The following ZNF561 variants were observed in gnomAD, a reference collection of about 807,000 sequenced individuals.
The protein encoded by ZNF561 is zinc finger protein 561.
In ZNF561, 16 loss-of-function variants were observed where a neutral mutation model predicts 16.7. The ratio of observed to expected loss-of-function variants is 0.96; its 90% CI spans 0.65 to 1.45. The LOEUF (loss-of-function observed/expected upper bound fraction) is 1.45, where lower values mean the gene tolerates loss of function less well. ZNF561 is among the 40% of genes most tolerant of loss of function. The pLI, the probability that ZNF561 is intolerant of heterozygous loss-of-function variation, is 0.00. For missense variants in ZNF561, 580 were observed against 578.0 expected, an observed-to-expected ratio of 1.00 and a Z score of -0.04; for synonymous variants, 190 against 192.1, an observed-to-expected ratio of 0.99 and a Z score of 0.09.
chr19:9,618,887 C>T (rs1046155847), intron 2 of ZNF561, among the ~76,000 whole-genome samples: 6 of 152,190 alleles, frequency 3.9e-5, no homozygotes, highest in Admixed American at 2.0e-4. Context: ...GAGGCCAAGG[C>T]GGGCAAATCA....
intron 5 of ZNF561, among the ~76,000 whole-genome samples, chr19:9,612,173 C>T (rs967029706): frequency 6.6e-6 from 1 of 152,080 alleles, no homozygotes; most frequent in Admixed American, 6.6e-5. Flanking sequence ...GATGATCTGC[C>T]TGCCTTGGCC....
Position 9,611,065 on chromosome 19 carries a change from C to T in ZNF561, c.596G>A (p.Cys199Tyr). Residue 199 changes from cysteine to tyrosine, a missense_variant, in exon 6 of 6, where the codon TGT becomes TAT. Physicochemically the swap from Cys to Tyr is radical, Grantham distance 194 (BLOSUM62 -2). Coordinates refer to ENST00000302851, the MANE Select transcript of ZNF561 (RefSeq NM_152289.3). ...CTTAAAGCCTTTTCCACATTCCTTACATTTGTAGGGTTGTCTTGCATTGAG... is the reference window on the plus strand; with the variant it reads ...CTTAAAGCCTTTTCCACATTCCTTATATTTGTAGGGTTGTCTTGCATTGAG... ...EVLNARQPYK[C>Y]KECGKGFKYF... is the part of the protein sequence containing the mutation. 1.9e-6 allele frequency: 3 copies of T among 1,614,112 alleles called. No individual in the cohort carries two copies. The highest frequency in any genetic ancestry group is 1.7e-6 in the Non-Finnish European group (2 of 1,180,014).
At chr19:9,611,706 A>G (rs1224282413) in intron 5 of ZNF561, among the ~76,000 whole-genome samples, 1 of 151,988 alleles carries the variant, frequency 6.6e-6, no homozygotes, top group African/African-American at 2.4e-5. Context: ...CGGCCTCCCA[A>G]AGTGGTGATA....
chr19:9,612,312 T>C (rs1465198365), intron 5 of ZNF561, among the ~76,000 whole-genome samples: 2 of 152,054 alleles, frequency 1.3e-5, no homozygotes, highest in Non-Finnish European at 2.9e-5. Context: ...CTCCACCTCC[T>C]AGGCTCAAGT....
rs1250913593 is a variant in ZNF561, at chr19:9,619,497, G to C, written c.-41C>G. ...GTGTGATGATGTGCATCCCTTCCTT[G>C]ATGCCAAGATCACCTCAGGCCAGCT... On this transcript the variant is annotated 5_prime_UTR_variant, in exon 2 of 6. It adds an upstream start codon to the 5' untranslated region. Transcript: ENST00000302851. 6.8e-6 allele frequency: 11 copies of C among 1,610,684 alleles called. No individual in the cohort carries two copies. Among genetic ancestry groups the C allele is most frequent in the Admixed American group, 1.7e-5 (1 of 59,872 alleles).
chr19:9,617,281 C>G, intron 3 of ZNF561, 110 bp from the exon 4 acceptor site: 1 of 1,427,770 alleles, frequency 7.0e-7, no homozygotes, highest in Non-Finnish European at 9.2e-7. Flanking sequence ...TGTCAGGTCT[C>G]CCATGATCTA....
intron 4 of ZNF561, among the ~76,000 whole-genome samples, chr19:9,614,871 C>T (rs1599228325): frequency 6.7e-6 from 1 of 149,022 alleles, no homozygotes; most frequent in Non-Finnish European, 1.5e-5. Context: ...TGAAGTGTCA[C>T]TCTGTCACCC....
intron 2 of ZNF561, 123 bp downstream of exon 2, chr19:9,619,309 T>C (rs970619752): frequency 1.4e-6 from 1 of 711,110 alleles, no homozygotes. Context: ...GTTCTGTGGT[T>C]CACTTCAATT....
intron 1 of ZNF561, among the ~76,000 whole-genome samples, chr19:9,620,593 T>C (rs557588459): frequency 6.6e-6 from 1 of 152,164 alleles, no homozygotes; most frequent in Admixed American, 6.5e-5. Context: ...CTGATACTTG[T>C]CCCTAGAGCC....
At position 9,609,227 on chromosome 19, in the gene ZNF561, C is replaced by T. The variant is rs1239145778; in HGVS notation, c.*973G>A. 3 of 152,158 alleles carry T rather than the reference C, an allele frequency of 2.0e-5. No homozygotes were observed. The highest frequency in any genetic ancestry group is 4.4e-5 in the Non-Finnish European group (3 of 68,030). The allele number at this position is 152,158 out of a possible 1,614,324, so 9.4% of individuals were successfully genotyped here. A position where few individuals can be genotyped will look rare whatever the true frequency, so the allele number is the denominator to read the frequency against. On this transcript the variant is annotated 3_prime_UTR_variant, in exon 6 of 6. Transcript: ENST00000302851. ...ATAATGTTTATCACAGGCTTACTGT[C>T]AATAAATATGTGGGTCAAACTCTGT...
chr19:9,611,485 T>G (rs1260997823), intron 5 of ZNF561, 149 bp from the exon 6 acceptor site: 5 of 883,046 alleles, frequency 5.7e-6, no homozygotes, highest in Middle Eastern at 3.6e-4. Flanking sequence ...TCTTGTTCTA[T>G]CTCCCTGTCT....
rs760441662 is a variant in ZNF561, at chr19:9,610,619, G to A, written c.1042C>T (p.Gln348Ter). 1.9e-6 allele frequency: 3 copies of A among 1,613,914 alleles called. No homozygotes were observed. The highest frequency in any genetic ancestry group is 8.5e-7 in the Non-Finnish European group (1 of 1,179,898). The part of the protein sequence containing the change: ...ECKECGQAFA[Q>*]YSGLSIHIRS... ...ATGTGTATAGAAAGGCCCGAGTACT[G>A]AGCAAAGGCTTGGCCACATTCCTTA... Residue 348 changes from glutamine (Q) to a stop codon, truncating the protein, a stop_gained, in exon 6 of 6, where the codon CAG becomes TAG. Transcript: ENST00000302851. LOFTEE classifies it low-confidence loss of function (END_TRUNC).
Position 9,607,837 on chromosome 19 carries a change from C to T in ZNF561, c.*2363G>A, listed in dbSNP as rs183885231. The T allele has an allele frequency of 7.2e-5, 11 of 152,238 alleles. No individual in the cohort carries two copies. Among genetic ancestry groups the T allele is most frequent in the Non-Finnish European group, 1.5e-4 (10 of 68,014 alleles). 9.4% of individuals were successfully genotyped at this position (152,238 alleles called of 1,614,324 possible). On this transcript the variant is annotated 3_prime_UTR_variant, in exon 6 of 6. Coordinates refer to ENST00000302851, the MANE Select transcript of ZNF561 (RefSeq NM_152289.3). Reference sequence around the variant, plus strand: ...CCCTGAAAATTCATATGTTGAAGCTCCAAATCCCAATGTGACTGTATGTGA... The same window carrying T: ...CCCTGAAAATTCATATGTTGAAGCTTCAAATCCCAATGTGACTGTATGTGA...
At chr19:9,614,478 C>G (rs895390312) in intron 4 of ZNF561, among the ~76,000 whole-genome samples, 2 of 152,130 alleles carry the variant, frequency 1.3e-5, no homozygotes, top group Non-Finnish European at 2.9e-5. Flanking sequence ...CATGGTGGCG[C>G]ATGCCTATAA....
chr19:9,619,867 C>CTA (rs2074629951), intron 1 of ZNF561, among the ~76,000 whole-genome samples: 2 of 108,484 alleles, frequency 1.8e-5, no homozygotes, highest in East Asian at 2.5e-4. Flanking sequence ...CTATATTTAT[C>CTA]TATCTATATC....
In ZNF561 at chr19:9,607,930, G is replaced by A. The variant is rs1367278325; in HGVS notation, c.*2270C>T. ...CTGTTGTCCAGGCTGGAATGCAGTG[G>A]CTGCGATCTCGGCTCACTGCAACCT... is the stretch of plus-strand genomic sequence containing the variant. On this transcript the variant is annotated 3_prime_UTR_variant, in exon 6 of 6. Transcript: ENST00000302851. 2 of 152,156 alleles carry A rather than the reference G, an allele frequency of 1.3e-5. No individual in the cohort carries two copies. The highest frequency in any genetic ancestry group is 4.8e-5 in the African/African-American group (2 of 41,422). The allele number at this position is 152,156 out of a possible 1,614,324, so 9.4% of individuals were successfully genotyped here. A position where few individuals can be genotyped will look rare whatever the true frequency, so the allele number is the denominator to read the frequency against.
chr19:9,617,714 C>T (rs2074582704), intron 3 of ZNF561: 2 of 457,418 alleles, frequency 4.4e-6, no homozygotes, highest in Admixed American at 2.3e-5. Context: ...CTCTTCCTGT[C>T]CCATTGGTGT....
At chr19:9,613,519 T>C (rs1430166695) in intron 5 of ZNF561, among the ~76,000 whole-genome samples, 1 of 151,462 alleles carries the variant, frequency 6.6e-6, no homozygotes, top group Admixed American at 6.6e-5. Flanking sequence ...ACAGACTCAG[T>C]TTCTTTTCTT....
rs1599215275 is a variant in ZNF561 at position 9,609,394 on chromosome 19, C to T, written c.*806G>A. ...TCTCAGCAAAAATGCAAAAGGAGAC[C>T]TGAATTGCAGAAAAAATTGTTAAGG... On this transcript the variant is annotated 3_prime_UTR_variant, in exon 6 of 6. Transcript: ENST00000302851. 1 of 152,088 alleles carries T rather than the reference C, an allele frequency of 6.6e-6. No individual in the cohort carries two copies. Among genetic ancestry groups the T allele is most frequent in the East Asian group, 1.9e-4 (1 of 5,184 alleles). The allele number at this position is 152,088 out of a possible 1,614,324, so 9.4% of individuals were successfully genotyped here.
Sources: gnomAD v4.1 joint callset for allele counts (sites outside exome capture counted in the v4.1 genomes callset) on GRCh38, gnomAD v4.1.1 for gene constraint, MANE v1.5 for transcripts, NCBI Gene and HGNC (gene_info 2026-07-23, HGNC 2026-07-21) for gene names.